GLCE: variants seen among roughly 807,000 people sequenced by gnomAD.
The protein encoded by GLCE is D-glucuronyl C5-epimerase.
A neutral mutation model predicts 47.9 loss-of-function variants in GLCE; 19 were observed. The observed-to-expected ratio is 0.40, with a 90% CI of 0.28 to 0.58. The LOEUF (loss-of-function observed/expected upper bound fraction) is 0.58. Among genes scored for constraint, GLCE ranks in the 20% least tolerant of loss-of-function variants. The pLI, the probability that GLCE is intolerant of heterozygous loss-of-function variation, is 0.48. For synonymous variants in GLCE, 245 were observed against 263.4 expected (o/e 0.93, Z 0.68); for missense variants, 556 against 743.3 (o/e 0.75, Z 2.93).
chr15:69,171,377 A>G (rs2051585450), intron 1 of GLCE, among the ~76,000 whole-genome samples: 1 of 151,424 alleles, frequency 6.6e-6, no homozygotes, highest in African/African-American at 2.4e-5. Flanking sequence ...TAGGGAAAAG[A>G]TATTTACTTT....
intron 1 of GLCE, among the ~76,000 whole-genome samples, chr15:69,164,381 T>G (rs1457956605): frequency 6.6e-6 from 1 of 151,804 alleles, no homozygotes; most frequent in East Asian, 1.9e-4. Context: ...CTACTCATGG[T>G]GTGTCCTTGG....
chr15:69,240,988 G>A (rs1429424441), intron 2 of GLCE, among the ~76,000 whole-genome samples: 2 of 152,148 alleles, frequency 1.3e-5, no homozygotes, highest in Non-Finnish European at 2.9e-5. Context: ...CAAACACCAG[G>A]AAAAATTAAT....
intron 1 of GLCE, among the ~76,000 whole-genome samples, chr15:69,180,144 A>G (rs763830640): frequency 7.9e-5 from 12 of 152,350 alleles, no homozygotes; most frequent in Admixed American, 4.6e-4. Flanking sequence ...ATTAAACACC[A>G]CTAACTAACC....
chr15:69,165,873 G>T (rs1304975260), intron 1 of GLCE, among the ~76,000 whole-genome samples: 6 of 152,180 alleles, frequency 3.9e-5, no homozygotes, highest in Non-Finnish European at 8.8e-5. Flanking sequence ...AAATTTGGGA[G>T]TTTCTAAAGT....
intron 1 of GLCE, among the ~76,000 whole-genome samples, chr15:69,183,050 A>G (rs1232004198): frequency 6.6e-6 from 1 of 152,098 alleles, no homozygotes; most frequent in Non-Finnish European, 1.5e-5. Context: ...ATTTATTAAA[A>G]TTGAGAAGGT....
At chr15:69,190,774 G>T (rs543456851) in intron 1 of GLCE, among the ~76,000 whole-genome samples, 1 of 152,158 alleles carries the variant, frequency 6.6e-6, no homozygotes, top group East Asian at 1.9e-4. Context: ...TTAATATGAT[G>T]ACTGGTATGA....
At chr15:69,242,655 G>A (rs1353666453) in intron 2 of GLCE, among the ~76,000 whole-genome samples, 3 of 152,054 alleles carry the variant, frequency 2.0e-5, no homozygotes, top group Non-Finnish European at 4.4e-5. Context: ...TGAAAAAGTG[G>A]TTGGTCTGGA....
At chr15:69,185,042 T>C (rs1413413874) in intron 1 of GLCE, among the ~76,000 whole-genome samples, 1 of 152,230 alleles carries the variant, frequency 6.6e-6, no homozygotes, top group Non-Finnish European at 1.5e-5. Flanking sequence ...AGTTGTGGCG[T>C]GGATATTGGA....
At chr15:69,182,991 C>T (rs2051772170) in intron 1 of GLCE, among the ~76,000 whole-genome samples, 1 of 151,798 alleles carries the variant, frequency 6.6e-6, no homozygotes, top group Admixed American at 6.6e-5. Flanking sequence ...AGGGTGAGAC[C>T]CTGTCTCAGA....
At chr15:69,216,125 T>C (rs2052304080) in intron 2 of GLCE, among the ~76,000 whole-genome samples, 1 of 152,144 alleles carries the variant, frequency 6.6e-6, no homozygotes, top group South Asian at 2.1e-4. Flanking sequence ...TAAAGCTAGA[T>C]TGCATCGTAG....
chr15:69,220,236 A>G (rs1274810313), intron 2 of GLCE, among the ~76,000 whole-genome samples: 1 of 152,118 alleles, frequency 6.6e-6, no homozygotes, highest in Non-Finnish European at 1.5e-5. Context: ...ATATACTGAG[A>G]AGTGGAATTG....
At chr15:69,258,345 G>A (rs1179511722) in intron 3 of GLCE, among the ~76,000 whole-genome samples, 1 of 151,948 alleles carries the variant, frequency 6.6e-6, no homozygotes, top group Non-Finnish European at 1.5e-5. Flanking sequence ...TTTTATGGCT[G>A]CATAGTAGAA....
rs1398414249 is a variant in GLCE, at chr15:69,271,551, T to C, written c.*2307T>C. On this transcript the variant is annotated 3_prime_UTR_variant, in exon 5 of 5. Transcript: ENST00000261858. Reference sequence around the variant, plus strand: ...CAGAATTTTCTAGGGTTTTAAATTATGTAAAATGTTTACTTATTCTGAGCT... The same window carrying C: ...CAGAATTTTCTAGGGTTTTAAATTACGTAAAATGTTTACTTATTCTGAGCT... 1.2e-4 allele frequency: 19 copies of C among 152,692 alleles called. No homozygotes were observed. Among genetic ancestry groups the C allele is most frequent in the African/African-American group, 1.4e-4 (6 of 41,470 alleles). The allele number at this position is 152,692 out of a possible 1,614,324, so 9.5% of individuals were successfully genotyped here. A position where few individuals can be genotyped will look rare whatever the true frequency, so the allele number is the denominator to read the frequency against.
intron 1 of GLCE, among the ~76,000 whole-genome samples, chr15:69,168,473 C>T (rs187479324): frequency 6.7e-6 from 1 of 148,408 alleles, no homozygotes; most frequent in East Asian, 1.9e-4. Flanking sequence ...CCTCTCATCT[C>T]TTCTTTTCTT....
At chr15:69,198,081 G>A (rs1019879726) in intron 1 of GLCE, among the ~76,000 whole-genome samples, 2 of 151,870 alleles carry the variant, frequency 1.3e-5, no homozygotes, top group Non-Finnish European at 2.9e-5. Flanking sequence ...CCTTTCTTAT[G>A]TCTGTACCTT....
chr15:69,256,416 G>A (rs766368884), intron 3 of GLCE, 24 bp downstream of exon 3: 2 of 1,468,104 alleles, frequency 1.4e-6, no homozygotes, highest in Non-Finnish European at 1.9e-6. Flanking sequence ...TGCTTCACTT[G>A]CATTTTTCAA....
Position 69,216,517 on chromosome 15 carries a change from G to T in GLCE, c.-14+6111G>T, listed in dbSNP as rs190025640. 6.2e-4 allele frequency among the ~76,000 whole-genome samples: 95 copies of T among 152,216 alleles called. 2 individuals are homozygous for T. The East Asian group carries it at 0.01, about 16-fold the overall frequency. ...TGGAATGAAGACATAGCAAGTTTCA[G>T]TGGTAGTTTTCTACCCTATTTAAGC... On this transcript the variant is annotated intron_variant, in intron 2 of 4. Coordinates refer to ENST00000261858, the MANE Select transcript of GLCE (RefSeq NM_015554.3).
intron 2 of GLCE, among the ~76,000 whole-genome samples, chr15:69,213,021 G>A (rs1350422039): frequency 1.3e-5 from 2 of 151,958 alleles, no homozygotes; most frequent in Non-Finnish European, 2.9e-5. Flanking sequence ...ATCAAGAAAG[G>A]TATACTGCAT....
At chr15:69,200,508 G>A (rs2052062923) in intron 1 of GLCE, among the ~76,000 whole-genome samples, 1 of 152,140 alleles carries the variant, frequency 6.6e-6, no homozygotes, top group Non-Finnish European at 1.5e-5. Context: ...ATTCATGATT[G>A]ATAAGTGGCA....
Sources: gnomAD v4.1 joint callset for allele counts (sites outside exome capture counted in the v4.1 genomes callset) on GRCh38, gnomAD v4.1.1 for gene constraint, MANE v1.5 for transcripts, NCBI Gene and HGNC (gene_info 2026-07-23, HGNC 2026-07-21) for gene names.